Variants in SV2A observed in about 807,000 individuals in gnomAD.
The protein encoded by SV2A is solute carrier family 22 member B1.
SV2A carries 25 observed loss-of-function variants against 78.0 expected under a neutral mutation model. That is an observed-to-expected ratio of 0.32 (90% CI 0.23 to 0.45). SV2A has a LOEUF of 0.45. Ranked by LOEUF, SV2A falls within the 20% of genes least tolerant of loss-of-function variation. The probability of loss-of-function intolerance (pLI) is 1.00; values close to 1 mark genes in which losing one functional copy is unlikely to be tolerated. For synonymous variants in SV2A, 355 were observed against 384.7 expected (o/e 0.92, Z 0.90); for missense variants, 752 against 971.5 (o/e 0.77, Z 3.00).
rs782336584 is a variant in SV2A, at chr1:149,906,046, C to A, written c.1886-7G>T. On this transcript the variant is annotated splice_polypyrimidine_tract_variant and splice_region_variant and intron_variant, in intron 11 of 12. Coordinates refer to ENST00000369146, the MANE Select transcript of SV2A (RefSeq NM_014849.5). ...GACATCACGCTGGAGCCAGCTGGAG[C>A]CAGGAGAGGAGAGAGCAACATGAGC... 7.4e-6 allele frequency: 12 copies of A among 1,613,960 alleles called. No individual in the cohort carries two copies. In the East Asian group the frequency reaches 2.7e-4, roughly 36 times the overall value.
At chr1:149,913,095 G>A in intron 2 of SV2A, 124 bp downstream of exon 2, 1 of 1,250,770 alleles carries the variant, frequency 8.0e-7, no homozygotes, top group Non-Finnish European at 1.1e-6. Flanking sequence ...GGAACCCTGA[G>A]CCCTCTGGGA....
At chr1:149,909,684 C>A in intron 6 of SV2A, 113 bp from the exon 7 acceptor site, 4 of 1,435,622 alleles carry the variant, frequency 2.8e-6, no homozygotes, top group Non-Finnish European at 3.9e-6. Flanking sequence ...GGATATGATA[C>A]CCTGAAAATC....
chr1:149,915,901 A>G (rs2092510065), intron 1 of SV2A, among the ~76,000 whole-genome samples: 2 of 151,804 alleles, frequency 1.3e-5, no homozygotes, highest in South Asian at 2.1e-4. Context: ...ACACACACAC[A>G]CACACACACA....
chr1:149,909,426 C>G, intron 7 of SV2A, 35 bp downstream of exon 7: 1 of 1,589,920 alleles, frequency 6.3e-7, no homozygotes, highest in South Asian at 1.1e-5. Flanking sequence ...CCACTTCCCC[C>G]ACTCCCTTCT....
At chr1:149,911,728 C>T in intron 3 of SV2A, 72 bp downstream of exon 3, 1 of 1,472,178 alleles carries the variant, frequency 6.8e-7, no homozygotes. Context: ...TGGCACTGTG[C>T]TGGGCCCTAA....
chr1:149,909,594 G>T, intron 6 of SV2A, 23 bp from the exon 7 acceptor site: 1 of 1,599,160 alleles, frequency 6.3e-7, no homozygotes, highest in Non-Finnish European at 8.6e-7. Context: ...GAAGGGGTGG[G>T]CAGTCACACA....
In SV2A at chr1:149,909,519, G is replaced by A. The variant is rs372487028; in HGVS notation, c.1232C>T (p.Ser411Leu). 1.7e-4 allele frequency: 275 copies of A among 1,613,878 alleles called. No individual in the cohort carries two copies. The highest frequency in any genetic ancestry group is 2.1e-4 in the Non-Finnish European group (251 of 1,180,002). The change falls in exon 7 of 13, where the codon TCG (serine) becomes TTG (leucine). Residue 411 changes from serine to leucine, a missense_variant. Ser to Leu is a moderately radical substitution (Grantham distance 145). Transcript: ENST00000369146. ...GCGCTGGTACCAGGTCCCTGTGTCCGACTGGATCTCAATCAATTCATCCTC... is the reference window on the plus strand; with the variant it reads ...GCGCTGGTACCAGGTCCCTGTGTCCAACTGGATCTCAATCAATTCATCCTC... Reference protein sequence around the residue: ...HQEDELIEIQSDTGTWYQRWG... With the variant: ...HQEDELIEIQLDTGTWYQRWG...
intron 1 of SV2A, among the ~76,000 whole-genome samples, chr1:149,915,480 A>G (rs2092506911): frequency 6.6e-6 from 1 of 152,188 alleles, no homozygotes; most frequent in Non-Finnish European, 1.5e-5. Context: ...AGAGGTGATG[A>G]CTGTCCACTG....
chr1:149,916,180 T>C (rs1017516433), intron 1 of SV2A, among the ~76,000 whole-genome samples: 3 of 152,122 alleles, frequency 2.0e-5, no homozygotes, highest in Non-Finnish European at 4.4e-5. Context: ...CCTCCAGCCC[T>C]GAAGGAGGCA....
intron 1 of SV2A, among the ~76,000 whole-genome samples, chr1:149,915,895 A>ACACACACACACACACACG (rs1278874699): frequency 3.3e-5 from 5 of 151,696 alleles, no homozygotes. Context: ...ATTAAAACAC[A>ACACACACACACACACACG]CACACACACA....
intron 7 of SV2A, 79 bp downstream of exon 7, chr1:149,909,382 C>T: frequency 3.9e-6 from 6 of 1,547,666 alleles, no homozygotes; most frequent in Non-Finnish European, 5.4e-6. Flanking sequence ...TCACCCATCA[C>T]CCACACACAT....
chr1:149,905,456 C>CTTTT, intron 12 of SV2A: 4 of 244,406 alleles, frequency 1.6e-5, no homozygotes, highest in South Asian at 9.4e-5. Context: ...TTTTTTTTTC[C>CTTTT]TTTTTTTTTT....
intron 1 of SV2A, among the ~76,000 whole-genome samples, chr1:149,917,467 TG>T (rs1362989609): frequency 1.3e-4 from 20 of 152,256 alleles, no homozygotes; most frequent in Non-Finnish European, 2.4e-4. Flanking sequence ...AAGGGGATAG[TG>T]GGGACTTGGT....
rs587652594 is a variant in SV2A, at chr1:149,904,908, G to A, written c.*106C>T. The A allele has an allele frequency of 2.4e-4, 301 of 1,258,284 alleles. No individual in the cohort carries two copies. The highest frequency in any genetic ancestry group is 6.9e-4 in the Admixed American group (28 of 40,640). The allele number at this position is 1,258,284 out of a possible 1,614,324, so 77.9% of individuals were successfully genotyped here. On this transcript the variant is annotated 3_prime_UTR_variant, in exon 13 of 13. Coordinates refer to ENST00000369146, the MANE Select transcript of SV2A (RefSeq NM_014849.5). The stretch of plus-strand genomic sequence containing the variant: ...ACAGCTAAGACACCAAACACGGGGA[G>A]TGGGGAGTGAGGGCTCTGGAGGTCA...
At chr1:149,916,579 G>T (rs1286408300) in intron 1 of SV2A, among the ~76,000 whole-genome samples, 1 of 152,182 alleles carries the variant, frequency 6.6e-6, no homozygotes, top group East Asian at 1.9e-4. Context: ...CAGAGCAAAT[G>T]CTTTCTTTCA....
chr1:149,915,291 C>A (rs2092505799), intron 1 of SV2A, among the ~76,000 whole-genome samples: 1 of 152,144 alleles, frequency 6.6e-6, no homozygotes, highest in African/African-American at 2.4e-5. Flanking sequence ...ACAGGGGGGT[C>A]ATACTTAGAT....
Position 149,913,436 on chromosome 1 carries a change from G to A in SV2A, c.405C>T (p.Gly135=), listed in dbSNP as rs1386341751. ...GLSDGEGPPG[G]RGEAQRRKER... is the part of the protein sequence containing the mutation. ...CTTTCCGTCGTTGTGCCTCCCCCCG[G>A]CCCCCAGGGGGACCCTCCCCATCAC... The change falls in exon 2 of 13, where the codon GGC becomes GGT. Residue 135 remains glycine, a synonymous_variant. Transcript: ENST00000369146. 5.0e-6 allele frequency: 8 copies of A among 1,612,924 alleles called. No individual in the cohort carries two copies. In the African/African-American group the frequency reaches 6.7e-5, roughly 14 times the overall value.
intron 9 of SV2A, 64 bp from the exon 10 acceptor site, chr1:149,907,897 CTT>C: frequency 6.3e-7 from 1 of 1,586,216 alleles, no homozygotes; most frequent in Non-Finnish European, 8.6e-7. Context: ...AAGACTCACT[CTT>C]TAGCGAAGTA....
intron 3 of SV2A, 51 bp downstream of exon 3, chr1:149,911,749 G>T: frequency 3.2e-6 from 5 of 1,570,640 alleles, no homozygotes; most frequent in Non-Finnish European, 3.5e-6. Flanking sequence ...AGATACAACA[G>T]TGACCAAGGC....
Sources: gnomAD v4.1 joint callset for allele counts (sites outside exome capture counted in the v4.1 genomes callset) on GRCh38, gnomAD v4.1.1 for gene constraint, MANE v1.5 for transcripts, NCBI Gene and HGNC (gene_info 2026-07-23, HGNC 2026-07-21) for gene names.